Variants in SWAP70 observed in about 807,000 individuals in gnomAD.
The protein encoded by SWAP70 is switching B cell complex subunit SWAP70.
In SWAP70, 34 loss-of-function variants were observed where a neutral mutation model predicts 80.2. That is an observed-to-expected ratio of 0.42 (90% confidence interval 0.32 to 0.56). SWAP70 has a LOEUF of 0.56. SWAP70 is among the 20% of genes least tolerant of loss of function. The pLI, the probability that SWAP70 is intolerant of heterozygous loss-of-function variation, is 0.09. For missense variants in SWAP70, 578 were observed against 690.7 expected, an observed-to-expected ratio of 0.84 and a Z score of 1.83; for synonymous variants, 239 against 238.5, an observed-to-expected ratio of 1.00 and a Z score of -0.02.
At chr11:9,739,785 C>T (rs1851411758) in intron 8 of SWAP70, among the ~76,000 whole-genome samples, 2 of 152,020 alleles carry the variant, frequency 1.3e-5, no homozygotes, top group African/African-American at 2.4e-5. Context: ...GGAAAAGGTT[C>T]GTTTGCTCTG....
intron 3 of SWAP70, among the ~76,000 whole-genome samples, chr11:9,714,874 G>A (rs1010906663): frequency 2.0e-5 from 3 of 147,926 alleles, no homozygotes; most frequent in East Asian, 2.0e-4. Flanking sequence ...GTGCAATGGC[G>A]CAATCTCGGC....
chr11:9,721,663 A>G (rs1851139735), intron 3 of SWAP70, among the ~76,000 whole-genome samples: 1 of 151,836 alleles, frequency 6.6e-6, no homozygotes, highest in South Asian at 2.1e-4. Context: ...TGTAAAGATG[A>G]GATCTTGCCA....
rs1320413921 is a variant in SWAP70, at chr11:9,664,284, C to A, written c.99+6C>A. On this transcript the variant is annotated splice_donor_region_variant and intron_variant, in intron 1 of 11. Transcript: ENST00000318950. Reference sequence around the variant, plus strand: ...TCTCCAAGTCCCAGCTCAAGGTGGGCGCCTCCTGACCCGGCCCCCCACCCG... The same window carrying A: ...TCTCCAAGTCCCAGCTCAAGGTGGGAGCCTCCTGACCCGGCCCCCCACCCG... 115 of 1,561,380 alleles carry A rather than the reference C, an allele frequency of 7.4e-5. No individual in the cohort carries two copies. Among genetic ancestry groups the A allele is most frequent in the Non-Finnish European group, 9.7e-5 (112 of 1,154,136 alleles).
chr11:9,710,520 G>A (rs1334453398), intron 2 of SWAP70, among the ~76,000 whole-genome samples: 1 of 151,964 alleles, frequency 6.6e-6, no homozygotes, highest in Non-Finnish European at 1.5e-5. Context: ...TTCGGCCTGC[G>A]GACAGCTGGT....
At chr11:9,747,596 T>G (rs1057121567) in intron 9 of SWAP70, among the ~76,000 whole-genome samples, 1 of 152,256 alleles carries the variant, frequency 6.6e-6, no homozygotes, top group African/African-American at 2.4e-5. Flanking sequence ...TTAGGCCAGT[T>G]CCTGGCACAC....
intron 1 of SWAP70, among the ~76,000 whole-genome samples, chr11:9,689,657 C>T (rs1288888637): frequency 6.6e-6 from 1 of 152,192 alleles, no homozygotes; most frequent in Non-Finnish European, 1.5e-5. Flanking sequence ...AGTCCTCTTT[C>T]TGATTCTTTT....
At chr11:9,672,922 GA>G (rs1214808965) in intron 1 of SWAP70, among the ~76,000 whole-genome samples, 1 of 152,064 alleles carries the variant, frequency 6.6e-6, no homozygotes, top group Admixed American at 6.6e-5. Context: ...TATGTCAGTG[GA>G]AACAACACAC....
At chr11:9,699,866 G>GTATATATATATATA (rs113413903) in intron 2 of SWAP70, among the ~76,000 whole-genome samples, 1 of 144,072 alleles carries the variant, frequency 6.9e-6, no homozygotes, top group East Asian at 2.0e-4. Context: ...TGTATAGTGT[G>GTATATATATATATA]TATATATATA....
intron 1 of SWAP70, among the ~76,000 whole-genome samples, chr11:9,688,128 A>C (rs1425495277): frequency 6.6e-6 from 1 of 152,364 alleles, no homozygotes; most frequent in East Asian, 1.9e-4. Context: ...TATATTTTCT[A>C]AGATTATTGT....
chr11:9,668,244 G>A (rs2134412334), intron 1 of SWAP70, among the ~76,000 whole-genome samples: 1 of 152,238 alleles, frequency 6.6e-6, no homozygotes, highest in Non-Finnish European at 1.5e-5. Context: ...CCAATTGACG[G>A]CATAAATGAG....
intron 9 of SWAP70, among the ~76,000 whole-genome samples, chr11:9,745,129 G>C (rs1851495969): frequency 6.6e-6 from 1 of 152,138 alleles, no homozygotes. Flanking sequence ...TCTTACATTT[G>C]ATATAATACT....
intron 3 of SWAP70, chr11:9,720,201 G>C: frequency 1.0e-6 from 1 of 985,316 alleles, no homozygotes; most frequent in Non-Finnish European, 1.2e-6. Flanking sequence ...AAGTTATTTG[G>C]TTATGATACG....
intron 7 of SWAP70, among the ~76,000 whole-genome samples, chr11:9,733,758 TC>T (rs1170797279): frequency 6.6e-6 from 1 of 152,186 alleles, no homozygotes; most frequent in African/African-American, 2.4e-5. Flanking sequence ...TGCTGCTGCT[TC>T]CTTCCACTGT....
chr11:9,724,566 A>C lies in SWAP70; in HGVS notation c.415-92A>C, dbSNP rs143750679. 7.7e-3 allele frequency: 7,140 copies of C among 924,308 alleles called. 63 individuals carry two copies. The highest frequency in any genetic ancestry group is 0.027 in the South Asian group (1,538 of 56,250). The allele number at this position is 924,308 out of a possible 1,614,324, so 57.3% of individuals were successfully genotyped here. On this transcript the variant is annotated intron_variant, in intron 3 of 11. Coordinates refer to ENST00000318950, the MANE Select transcript of SWAP70 (RefSeq NM_015055.4). ...TTTGGAACTGTAAAGAGTATTTCCT[A>C]AGTTGAACTTATCAGTGTTTATAAC...
Position 9,715,056 on chromosome 11 carries a change from C to T in SWAP70, c.414+1417C>T, listed in dbSNP as rs530760665. ...GTGGTGCAATCATGGCTCACTGCAG[C>T]CTCAACCTCCTGGGCTCAGGGGATC... On this transcript the variant is annotated intron_variant, in intron 3 of 11. Coordinates refer to ENST00000318950, the MANE Select transcript of SWAP70 (RefSeq NM_015055.4). Among the ~76,000 whole-genome samples the T allele has an allele frequency of 6.0e-5, 9 of 149,660 alleles. No homozygotes were observed. In the East Asian group the frequency reaches 1.8e-3, roughly 29 times the overall value.
intron 1 of SWAP70, among the ~76,000 whole-genome samples, chr11:9,676,824 T>C (rs570734801): frequency 6.6e-6 from 1 of 152,066 alleles, no homozygotes; most frequent in East Asian, 1.9e-4. Context: ...TAATTTTTTT[T>C]GTATTTTTTT....
At chr11:9,671,520 A>G (rs1850389340) in intron 1 of SWAP70, among the ~76,000 whole-genome samples, 1 of 70,612 alleles carries the variant, frequency 1.4e-5, no homozygotes, top group Non-Finnish European at 2.7e-5. Context: ...AAATATATAT[A>G]TAAATATATA....
chr11:9,686,875 A>G (rs1057476923), intron 1 of SWAP70, among the ~76,000 whole-genome samples: 13 of 152,168 alleles, frequency 8.5e-5, no homozygotes, highest in African/African-American at 3.1e-4. Flanking sequence ...TCCCCCAAAC[A>G]AATAATTATT....
rs562848645 is a variant in SWAP70, at chr11:9,711,162, T to C, written c.241-2304T>C. Among the ~76,000 whole-genome samples, 3 of 152,252 alleles carry C rather than the reference T, an allele frequency of 2.0e-5. No homozygotes were observed. In the South Asian group the frequency reaches 6.2e-4, roughly 32 times the overall value. ...GTCTCAAACTTCTAGCCTTAAGCAG[T>C]TCTCTTGCATCAGCCTCCCATAGTG... On this transcript the variant is annotated intron_variant, in intron 2 of 11. Coordinates refer to ENST00000318950, the MANE Select transcript of SWAP70 (RefSeq NM_015055.4).
Sources: gnomAD v4.1 joint callset for allele counts (sites outside exome capture counted in the v4.1 genomes callset) on GRCh38, gnomAD v4.1.1 for gene constraint, MANE v1.5 for transcripts, NCBI Gene and HGNC (gene_info 2026-07-23, HGNC 2026-07-21) for gene names.